The following SRGAP2C variants were observed in gnomAD, a reference collection of about 807,000 sequenced individuals.
SRGAP2C encodes SLIT-ROBO Rho GTPase-activating protein 2C.
A neutral mutation model predicts 25.1 loss-of-function variants in SRGAP2C; 15 were observed. The observed-to-expected ratio is 0.60, with a 90% confidence interval of 0.40 to 0.92. The LOEUF is 0.92. SRGAP2C is among the 40% of genes least tolerant of loss of function. The pLI, the probability that SRGAP2C is intolerant of heterozygous loss-of-function variation, is 0.00. For missense variants in SRGAP2C, 144 were observed against 264.4 expected (o/e 0.54, Z 3.16); for synonymous variants, 44 against 96.6 (o/e 0.46, Z 3.19).
intron 3 of SRGAP2C, among the ~76,000 whole-genome samples, chr1:121,306,746 G>A (rs1275037942): frequency 1.3e-5 from 2 of 149,960 alleles, no homozygotes; most frequent in African/African-American, 2.5e-5. Context: ...AGAAAAAAAC[G>A]ATTCTCAAAG....
At chr1:121,330,082 AG>A (rs1385745998) in intron 4 of SRGAP2C, among the ~76,000 whole-genome samples, 1 of 142,880 alleles carries the variant, frequency 7.0e-6, no homozygotes, top group Non-Finnish European at 1.5e-5. Flanking sequence ...AAGCCCACCA[AG>A]AACAGAAATA....
chr1:121,319,630 A>C (rs1284294824), intron 3 of SRGAP2C, among the ~76,000 whole-genome samples: 1 of 151,118 alleles, frequency 6.6e-6, no homozygotes, highest in Non-Finnish European at 1.5e-5. Flanking sequence ...CTAATGATTC[A>C]GCTATGCAGG....
intron 2 of SRGAP2C, among the ~76,000 whole-genome samples, chr1:121,212,435 T>G (rs1655288437): frequency 6.6e-6 from 1 of 152,098 alleles, no homozygotes; most frequent in Admixed American, 6.5e-5. Flanking sequence ...CAGCCCAGAA[T>G]GGTATTCTTA....
At chr1:121,303,932 C>T (rs1478470909) in intron 3 of SRGAP2C, among the ~76,000 whole-genome samples, 9 of 146,622 alleles carry the variant, frequency 6.1e-5, no homozygotes, top group Admixed American at 2.0e-4. Context: ...AGGCCGGGCG[C>T]GATGGCTCAC....
chr1:121,378,645 G>T (rs1295982727), intron 7 of SRGAP2C, among the ~76,000 whole-genome samples: 1 of 151,768 alleles, frequency 6.6e-6, no homozygotes, highest in African/African-American at 2.4e-5. Context: ...TTGGCATCCT[G>T]ATCTTAACAT....
chr1:121,217,078 G>C (rs1553324829), intron 2 of SRGAP2C, among the ~76,000 whole-genome samples: 1 of 151,136 alleles, frequency 6.6e-6, no homozygotes, highest in African/African-American at 2.4e-5. Flanking sequence ...CTTAAAATTT[G>C]ACAGCTATAG....
At chr1:121,198,603 AG>A (rs1654899436) in intron 2 of SRGAP2C, among the ~76,000 whole-genome samples, 2 of 133,800 alleles carry the variant, frequency 1.5e-5, no homozygotes. Flanking sequence ...GTTTCTGAAG[AG>A]TTGGCTGTTG....
At chr1:121,380,625 A>T (rs1659791147) in intron 7 of SRGAP2C, among the ~76,000 whole-genome samples, 1 of 148,028 alleles carries the variant, frequency 6.8e-6, no homozygotes, top group African/African-American at 2.5e-5. Flanking sequence ...GAGGATTAAA[A>T]TGTAGAATGT....
intron 2 of SRGAP2C, among the ~76,000 whole-genome samples, chr1:121,272,768 C>T (rs1553335489): frequency 6.6e-6 from 1 of 151,456 alleles, no homozygotes; most frequent in African/African-American, 2.4e-5. Context: ...CTGTTGTGAT[C>T]TGTTACTGTC....
At chr1:121,191,201 G>A (rs1357177228) in intron 2 of SRGAP2C, among the ~76,000 whole-genome samples, 1 of 151,792 alleles carries the variant, frequency 6.6e-6, no homozygotes, top group Non-Finnish European at 1.5e-5. Context: ...TTGGTTCAAG[G>A]ACTACCCCCA....
chr1:121,354,340 T>C (rs1659006391), intron 4 of SRGAP2C, among the ~76,000 whole-genome samples: 1 of 70,568 alleles, frequency 1.4e-5, no homozygotes, highest in Non-Finnish European at 2.7e-5. Flanking sequence ...TCTTTCTCTC[T>C]CTCTCTTTCT....
chr1:121,280,374 G>T (rs1203316993), intron 2 of SRGAP2C, among the ~76,000 whole-genome samples: 1 of 151,818 alleles, frequency 6.6e-6, no homozygotes, highest in Admixed American at 6.6e-5. Flanking sequence ...AGATCTTCAG[G>T]TTGGGGCTTA....
At chr1:121,191,734 C>T (rs1444764490) in intron 2 of SRGAP2C, among the ~76,000 whole-genome samples, 11 of 151,620 alleles carry the variant, frequency 7.3e-5, no homozygotes, top group African/African-American at 2.7e-4. Context: ...TTATTTAAGG[C>T]CCCTTTCCTT....
intron 3 of SRGAP2C, among the ~76,000 whole-genome samples, chr1:121,289,095 T>A (rs1487453303): frequency 7.0e-6 from 1 of 143,350 alleles, no homozygotes; most frequent in Non-Finnish European, 1.5e-5. Context: ...AGTCCTGCGC[T>A]GTGCGCTCGC....
intron 4 of SRGAP2C, among the ~76,000 whole-genome samples, chr1:121,328,073 G>A (rs1658353353): frequency 6.6e-6 from 1 of 151,926 alleles, no homozygotes; most frequent in African/African-American, 2.4e-5. Flanking sequence ...CACAGATAAG[G>A]ACAAACAAAA....
chr1:121,336,513 C>T (rs1440052408), intron 4 of SRGAP2C, among the ~76,000 whole-genome samples: 1 of 111,086 alleles, frequency 9.0e-6, no homozygotes, highest in Non-Finnish European at 1.9e-5. Context: ...CTCTTTCCTT[C>T]TCCCTCTCCT....
chr1:121,260,359 G>T (rs1553333308), intron 2 of SRGAP2C, among the ~76,000 whole-genome samples: 1 of 151,934 alleles, frequency 6.6e-6, no homozygotes, highest in African/African-American at 2.4e-5. Context: ...TGTGCTTGGT[G>T]TATTTGAGGA....
chr1:121,304,049 CAA>C (rs1168974269), intron 3 of SRGAP2C, among the ~76,000 whole-genome samples: 38 of 145,322 alleles, frequency 2.6e-4, no homozygotes, highest in Middle Eastern at 3.5e-3. Flanking sequence ...CTAAAAAATA[CAA>C]AAAAAAAAAA....
At chr1:121,200,336 AT>A (rs1654947423) in intron 2 of SRGAP2C, among the ~76,000 whole-genome samples, 1 of 104,700 alleles carries the variant, frequency 9.6e-6, no homozygotes, top group Admixed American at 1.1e-4. Flanking sequence ...AAGGAAGTTG[AT>A]TGATTGTCCT....
Sources: allele counts gnomAD v4.1 joint callset (sites outside exome capture counted in the v4.1 genomes callset), GRCh38; gene constraint gnomAD v4.1.1; transcripts MANE v1.5; gene names NCBI Gene and HGNC (gene_info 2026-07-23, HGNC 2026-07-21).